Variants in RGS5 observed in about 807,000 individuals in gnomAD.
The protein encoded by RGS5 is regulator of G protein signaling 5.
RGS5 carries 20 observed loss-of-function variants against 18.9 expected under a neutral mutation model. That is an observed-to-expected ratio of 1.06 (90% CI 0.74 to 1.54). The LOEUF (loss-of-function observed/expected upper bound fraction) is 1.54. RGS5 is among the 40% of genes most tolerant of loss of function. The pLI is 0.00. For missense variants in RGS5, 201 were observed against 211.8 expected (o/e 0.95, Z 0.32); for synonymous variants, 57 against 76.2 (o/e 0.75, Z 1.31).
upstream of RGS5, among the ~76,000 whole-genome samples, chr1:163,220,847 T>C (rs1002295411): frequency 1.3e-5 from 2 of 152,056 alleles, no homozygotes; most frequent in South Asian, 4.2e-4. Flanking sequence ...GATCTGATGA[T>C]GGAAGTAAAA....
chr1:163,233,145 T>A (rs1165319050), intron 2 of RGS5, among the ~76,000 whole-genome samples: 1 of 152,238 alleles, frequency 6.6e-6, no homozygotes, highest in Non-Finnish European at 1.5e-5. Flanking sequence ...CATGGTTAGA[T>A]TTAATTATGA....
chr1:163,295,282 A>C (rs1308934286), intron 2 of RGS5, among the ~76,000 whole-genome samples: 2 of 152,160 alleles, frequency 1.3e-5, no homozygotes, highest in Non-Finnish European at 2.9e-5. Flanking sequence ...GGAGGTATTC[A>C]AACTGAAAAA....
chr1:163,267,223 A>G (rs1466482551), intron 2 of RGS5: 4 of 152,068 alleles, frequency 2.6e-5, no homozygotes, highest in Non-Finnish European at 1.5e-5. Context: ...GAGGGTGTAC[A>G]TGCTTTCACC....
intron 2 of RGS5, among the ~76,000 whole-genome samples, chr1:163,301,658 A>G (rs1256595609): frequency 1.3e-5 from 2 of 152,168 alleles, no homozygotes; most frequent in African/African-American, 4.8e-5. Context: ...TAAAGAAAAA[A>G]AATGAGCCTA....
At chr1:163,290,666 A>C (rs947991533) in intron 2 of RGS5, among the ~76,000 whole-genome samples, 3 of 152,086 alleles carry the variant, frequency 2.0e-5, no homozygotes, top group African/African-American at 7.2e-5. Flanking sequence ...AAAAAAAAAA[A>C]AAAATGAATA....
intron 1 of RGS5, among the ~76,000 whole-genome samples, chr1:163,184,915 GT>G (rs1659005620): frequency 1.3e-5 from 2 of 152,162 alleles, no homozygotes; most frequent in African/African-American, 2.4e-5. Flanking sequence ...TGTGGCAACT[GT>G]TATAGCAGCA....
At chr1:163,295,511 C>T (rs1268844295) in intron 2 of RGS5, among the ~76,000 whole-genome samples, 4 of 152,156 alleles carry the variant, frequency 2.6e-5, no homozygotes, top group East Asian at 1.9e-4. Context: ...CTATTATATT[C>T]CTCATTTAAC....
chr1:163,297,848 T>C (rs1279671905), intron 2 of RGS5, among the ~76,000 whole-genome samples: 1 of 152,134 alleles, frequency 6.6e-6, no homozygotes, highest in Non-Finnish European at 1.5e-5. Flanking sequence ...CATAACTAAA[T>C]TTATAATAAA....
rs1208161949 is a variant in RGS5, at chr1:163,146,683, A to C, written c.*659T>G. On this transcript the variant is annotated 3_prime_UTR_variant, in exon 5 of 5. Transcript: ENST00000313961. ...GAGGGGGCCAGTGAGGAAGGTATAA[A>C]AGAGAAATCTTTATGAATTGTGTTC... is the stretch of plus-strand genomic sequence containing the variant. 6.6e-6 allele frequency: 1 copy of C among 152,194 alleles called. No individual in the cohort carries two copies. Among genetic ancestry groups the C allele is most frequent in the African/African-American group, 2.4e-5 (1 of 41,456 alleles). The allele number at this position is 152,194 out of a possible 1,614,324, so 9.4% of individuals were successfully genotyped here.
intron 1 of RGS5, chr1:163,211,110 A>T (rs1660092564): frequency 6.6e-6 from 1 of 152,218 alleles, no homozygotes; most frequent in African/African-American, 2.4e-5. Context: ...TACCCTGAAG[A>T]TCATGATGTC....
chr1:163,216,052 C>T (rs1198796419), intron 1 of RGS5, among the ~76,000 whole-genome samples: 1 of 152,162 alleles, frequency 6.6e-6, no homozygotes, highest in Non-Finnish European at 1.5e-5. Flanking sequence ...TTCAGTGGAG[C>T]ACTGATTCTG....
chr1:163,249,276 T>C (rs1004106000), intron 2 of RGS5, among the ~76,000 whole-genome samples: 7 of 152,230 alleles, frequency 4.6e-5, no homozygotes, highest in Non-Finnish European at 1.0e-4. Flanking sequence ...TTCTTCCATA[T>C]AGAAGCTTTT....
At chr1:163,307,485 A>G (rs1649735673) in intron 1 of RGS5, among the ~76,000 whole-genome samples, 1 of 152,188 alleles carries the variant, frequency 6.6e-6, no homozygotes. Context: ...ATCAATACCC[A>G]AAAGATTTCT....
chr1:163,246,051 TAA>T (rs1186081131), intron 2 of RGS5, among the ~76,000 whole-genome samples: 2 of 149,190 alleles, frequency 1.3e-5, no homozygotes, highest in East Asian at 4.0e-4. Flanking sequence ...CCGTCTCTAC[TAA>T]AAAAATACAA....
chr1:163,314,331 G>A (rs1370146143), intron 1 of RGS5, among the ~76,000 whole-genome samples: 1 of 152,084 alleles, frequency 6.6e-6, no homozygotes, highest in African/African-American at 2.4e-5. Flanking sequence ...AAGATGAAAT[G>A]AGATAATATT....
intron 2 of RGS5, among the ~76,000 whole-genome samples, chr1:163,256,210 C>T (rs1648268406): frequency 6.6e-6 from 1 of 152,006 alleles, no homozygotes; most frequent in Non-Finnish European, 1.5e-5. Flanking sequence ...ATCTAGAAAA[C>T]CCCATCGTCT....
At chr1:163,156,708 A>G (rs988433150) in intron 3 of RGS5, among the ~76,000 whole-genome samples, 3 of 152,176 alleles carry the variant, frequency 2.0e-5, no homozygotes, top group African/African-American at 7.2e-5. Context: ...ATCAAAGAAC[A>G]CTAACTTTAA....
At chr1:163,283,358 T>G (rs1287065141) in intron 2 of RGS5, among the ~76,000 whole-genome samples, 1 of 152,232 alleles carries the variant, frequency 6.6e-6, no homozygotes, top group East Asian at 1.9e-4. Flanking sequence ...TATCCTGATT[T>G]GATCATTACA....
At chr1:163,253,631 T>C (rs893487117) in intron 2 of RGS5, among the ~76,000 whole-genome samples, 1 of 145,822 alleles carries the variant, frequency 6.9e-6, no homozygotes, top group Non-Finnish European at 1.5e-5. Flanking sequence ...TCTTTTTATT[T>C]ATTTATTTAT....
Sources: allele counts gnomAD v4.1 joint callset (sites outside exome capture counted in the v4.1 genomes callset), GRCh38; gene constraint gnomAD v4.1.1; transcripts MANE v1.5; gene names NCBI Gene and HGNC (gene_info 2026-07-23, HGNC 2026-07-21).